Variants in ANKS1B observed in about 807,000 individuals in gnomAD.
ANKS1B encodes ankyrin repeat and sterile alpha motif domain containing 1B.
A neutral mutation model predicts 148.3 loss-of-function variants in ANKS1B; 36 were observed. The ratio of observed to expected loss-of-function variants is 0.24; its 90% confidence interval spans 0.19 to 0.32. ANKS1B has a LOEUF of 0.32. ANKS1B is among the 10% of genes least tolerant of loss of function. ANKS1B has a pLI of 1.00. For missense variants in ANKS1B, 1,157 were observed against 1,542.6 expected, an observed-to-expected ratio of 0.75 and a Z score of 4.19; for synonymous variants, 542 against 560.8, an observed-to-expected ratio of 0.97 and a Z score of 0.47.
chr12:99,142,048 G>C (rs1600904038), intron 15 of ANKS1B, among the ~76,000 whole-genome samples: 1 of 152,164 alleles, frequency 6.6e-6, no homozygotes, highest in African/African-American at 2.4e-5. Context: ...CTTTGCTTCT[G>C]TTGAGTATCG....
At chr12:99,168,717 A>G (rs2077445723) in intron 14 of ANKS1B, among the ~76,000 whole-genome samples, 1 of 152,094 alleles carries the variant, frequency 6.6e-6, no homozygotes, top group Non-Finnish European at 1.5e-5. Context: ...CGGGAACAGT[A>G]AATTTGAGGA....
intron 17 of ANKS1B, among the ~76,000 whole-genome samples, chr12:98,913,962 G>A (rs911240815): frequency 3.3e-5 from 5 of 152,060 alleles, no homozygotes; most frequent in African/African-American, 9.7e-5. Flanking sequence ...GGGTATATCC[G>A]GGCCACCAGT....
intron 4 of ANKS1B, among the ~76,000 whole-genome samples, chr12:99,798,037 A>G (rs2066464699): frequency 6.6e-6 from 1 of 151,918 alleles, no homozygotes; most frequent in South Asian, 2.1e-4. Context: ...CTATTCTACC[A>G]GAGTGCCAAA....
intron 9 of ANKS1B, among the ~76,000 whole-genome samples, chr12:99,561,590 A>AT (rs1279993465): frequency 1.3e-5 from 2 of 151,774 alleles, no homozygotes; most frequent in Admixed American, 6.6e-5. Context: ...TCAGGAGTTG[A>AT]TTTTGTCTCA....
intron 12 of ANKS1B, among the ~76,000 whole-genome samples, chr12:99,381,684 TGA>T (rs1412019233): frequency 6.6e-6 from 1 of 152,202 alleles, no homozygotes; most frequent in African/African-American, 2.4e-5. Flanking sequence ...CAGGAATGAC[TGA>T]GAGATCCAAA....
chr12:99,090,375 C>A (rs1024759404), intron 15 of ANKS1B, among the ~76,000 whole-genome samples: 1 of 152,082 alleles, frequency 6.6e-6, no homozygotes, highest in African/African-American at 2.4e-5. Flanking sequence ...AGGGAACTGG[C>A]TTATTCTTAA....
At chr12:99,054,445 T>C (rs1489037146) in intron 16 of ANKS1B, among the ~76,000 whole-genome samples, 2 of 152,206 alleles carry the variant, frequency 1.3e-5, no homozygotes, top group African/African-American at 4.8e-5. Flanking sequence ...TTTTTGAGAT[T>C]CTCCCTACTC....
intron 12 of ANKS1B, among the ~76,000 whole-genome samples, chr12:99,335,243 T>C (rs1000311532): frequency 2.0e-5 from 3 of 152,050 alleles, no homozygotes; most frequent in African/African-American, 7.2e-5. Context: ...TAGATGTATA[T>C]ATTTATGGGG....
chr12:98,838,682 C>T (rs1418869571), intron 17 of ANKS1B, among the ~76,000 whole-genome samples: 2 of 152,152 alleles, frequency 1.3e-5, no homozygotes, highest in Admixed American at 6.5e-5. Context: ...ATTATTTCCC[C>T]TTTCCTTTCT....
intron 10 of ANKS1B, among the ~76,000 whole-genome samples, chr12:99,474,909 G>C (rs773117517): frequency 5.9e-5 from 9 of 151,744 alleles, no homozygotes; most frequent in Non-Finnish European, 8.8e-5. Context: ...TATTTTTGTT[G>C]ATTACATGAT....
At chr12:99,976,606 G>A (rs1321104961) in intron 1 of ANKS1B, among the ~76,000 whole-genome samples, 1 of 152,138 alleles carries the variant, frequency 6.6e-6, no homozygotes, top group African/African-American at 2.4e-5. Context: ...TTTCAGTTCA[G>A]TTAACTAGAA....
At chr12:98,747,750 TAC>T (rs1207169933) in intron 26 of ANKS1B, among the ~76,000 whole-genome samples, 2 of 152,358 alleles carry the variant, frequency 1.3e-5, no homozygotes, top group East Asian at 3.9e-4. Context: ...GTGGTATATA[TAC>T]ACAACGGAAT....
downstream of ANKS1B, among the ~76,000 whole-genome samples, chr12:98,739,813 G>A (rs767232386): frequency 4.6e-5 from 7 of 151,926 alleles, no homozygotes; most frequent in South Asian, 2.1e-4. Flanking sequence ...CTTATCTTTC[G>A]TCCCAGTTAC....
chr12:99,409,095 C>T (rs1208719960), intron 11 of ANKS1B, among the ~76,000 whole-genome samples: 1 of 152,140 alleles, frequency 6.6e-6, no homozygotes, highest in African/African-American at 2.4e-5. Flanking sequence ...TTAGAAGCCA[C>T]CTAAGTGTCT....
At position 98,745,609 on chromosome 12, in the gene ANKS1B, C is replaced by A; in HGVS notation, c.*130G>T. 1 of 1,434,036 alleles carries A rather than the reference C, an allele frequency of 7.0e-7. No homozygotes were observed. Among genetic ancestry groups the A allele is most frequent in the Non-Finnish European group, 9.2e-7 (1 of 1,091,308 alleles). 88.8% of individuals were successfully genotyped at this position (1,434,036 alleles called of 1,614,324 possible). A position where few individuals can be genotyped will look rare whatever the true frequency, so the allele number is the denominator to read the frequency against. On this transcript the variant is annotated 3_prime_UTR_variant, in exon 27 of 27. Transcript: ENST00000683438. ...TCCCCAGGAATGGCCAGTGGCCTTT[C>A]GCCCGTAACAAGGCCGCACGCTCAG...
chr12:99,602,411 T>C (rs2097808825), intron 9 of ANKS1B, among the ~76,000 whole-genome samples: 1 of 152,034 alleles, frequency 6.6e-6, no homozygotes, highest in Non-Finnish European at 1.5e-5. Context: ...TATTTAACAA[T>C]AGTCATTTCT....
intron 16 of ANKS1B, among the ~76,000 whole-genome samples, chr12:99,056,067 C>T (rs570823808): frequency 1.3e-5 from 2 of 152,120 alleles, no homozygotes; most frequent in South Asian, 2.1e-4. Flanking sequence ...ACTGAAGAGA[C>T]CTTGGAAATG....
intron 12 of ANKS1B, among the ~76,000 whole-genome samples, chr12:99,369,747 A>T (rs369845520): frequency 2.1e-4 from 30 of 143,404 alleles, no homozygotes; most frequent in African/African-American, 3.4e-4. Flanking sequence ...AATGGATAGA[A>T]AGATAGATAG....
intron 12 of ANKS1B, among the ~76,000 whole-genome samples, chr12:99,312,552 T>C (rs1031473063): frequency 1.3e-5 from 2 of 152,160 alleles, no homozygotes; most frequent in Admixed American, 6.6e-5. Flanking sequence ...ACCAAGTATA[T>C]ATTCCTAAAA....
Sources: gnomAD v4.1 joint callset for allele counts (sites outside exome capture counted in the v4.1 genomes callset) on GRCh38, gnomAD v4.1.1 for gene constraint, MANE v1.5 for transcripts, NCBI Gene and HGNC (gene_info 2026-07-23, HGNC 2026-07-21) for gene names.